CNKSR1: variants seen among roughly 807,000 people sequenced by gnomAD.
The protein encoded by CNKSR1 is CNK homolog protein 1.
A neutral mutation model predicts 95.6 loss-of-function variants in CNKSR1; 88 were observed. The ratio of observed to expected loss-of-function variants is 0.92; its 90% CI spans 0.78 to 1.10. CNKSR1 has a LOEUF of 1.10. Among genes scored for constraint, CNKSR1 ranks in the 50% least tolerant of loss-of-function variants. CNKSR1 has a pLI of 0.00. For synonymous variants in CNKSR1, 355 were observed against 369.7 expected, an observed-to-expected ratio of 0.96 and a Z score of 0.46; for missense variants, 836 against 912.0, an observed-to-expected ratio of 0.92 and a Z score of 1.07.
At chr1:26,181,133 T>G in intron 3 of CNKSR1, 3 of 474,710 alleles carry the variant, frequency 6.3e-6, no homozygotes, top group East Asian at 8.9e-5. Context: ...TATACAAAAT[T>G]AGCCAGGTGT....
chr1:26,189,197 G>T, intron 20 of CNKSR1, 82 bp from the exon 21 acceptor site: 1 of 1,550,858 alleles, frequency 6.4e-7, no homozygotes, highest in African/African-American at 1.4e-5. Flanking sequence ...CCAGGCACCG[G>T]ACCTCCGGAG....
At chr1:26,185,483 T>C (rs564333411) in intron 14 of CNKSR1, among the ~76,000 whole-genome samples, 87 of 151,190 alleles carry the variant, frequency 5.8e-4, no homozygotes, top group Non-Finnish European at 1.2e-3. Context: ...AGCTCTACCT[T>C]CCGGGTTCAC....
intron 2 of CNKSR1, 49 bp from the exon 3 acceptor site, chr1:26,180,666 G>T: frequency 1.2e-6 from 2 of 1,614,004 alleles, no homozygotes; most frequent in Non-Finnish European, 1.7e-6. Flanking sequence ...GGGGTGTGAT[G>T]GGGGGCTGGC....
rs751828242 is a variant in CNKSR1, at chr1:26,182,403, G to C, written c.519+1G>C. 1.9e-6 allele frequency: 3 copies of C among 1,613,922 alleles called. No individual in the cohort carries two copies. Among genetic ancestry groups the C allele is most frequent in the Non-Finnish European group, 2.5e-6 (3 of 1,179,974 alleles). ...GAAGGAGGGCACAGTCCTGAGGATC[G>C]TGAGTCTGTGGGGTGGGAAGAGAGT... On this transcript the variant is annotated splice_donor_variant, in intron 5 of 20. Transcript: ENST00000361530. LOFTEE classifies it high-confidence loss of function.
In CNKSR1 at chr1:26,177,602, G is replaced by A. The variant is rs751545608; in HGVS notation, c.52+3G>A. ...AAAGGTGGCAACTTGGCTGAGAGGT[G>A]GGTGGGGCTGGGGTAGAGTTGGGCT... On this transcript the variant is annotated splice_donor_region_variant and intron_variant, in intron 1 of 20. Transcript: ENST00000361530. 6.2e-7 allele frequency: 1 copy of A among 1,614,086 alleles called. No homozygotes were observed. Among genetic ancestry groups the A allele is most frequent in the Admixed American group, 1.7e-5 (1 of 60,026 alleles).
At chr1:26,178,167 C>T (rs1389414719) in intron 1 of CNKSR1, among the ~76,000 whole-genome samples, 3 of 152,120 alleles carry the variant, frequency 2.0e-5, no homozygotes, top group East Asian at 1.9e-4. Context: ...AATGGGGAGG[C>T]GGTGTCATGA....
At chr1:26,182,209 T>G (rs1569875862) in intron 4 of CNKSR1, 152 bp from the exon 5 acceptor site, 1 of 815,210 alleles carries the variant, frequency 1.2e-6, no homozygotes, top group Non-Finnish European at 2.0e-6. Context: ...AGCCCTCTGG[T>G]TAAAACGCTG....
In CNKSR1 at chr1:26,184,628, G is replaced by T; in HGVS notation, c.1135+16G>T. On this transcript the variant is annotated intron_variant, in intron 13 of 20. Transcript: ENST00000361530. ...AAATCAAAAGGTATGAGGTGCGCTG[G>T]ACTAGGTGGGGGTTCCCCTGTTTGA... 1 of 1,592,040 alleles carries T rather than the reference G, an allele frequency of 6.3e-7. No homozygotes were observed. Among genetic ancestry groups the T allele is most frequent in the South Asian group, 1.1e-5 (1 of 87,632 alleles).
chr1:26,184,465 AG>A lies in CNKSR1; in HGVS notation c.1069del (p.Val357Ter). On this transcript the variant is annotated frameshift_variant, in exon 12 of 21. Transcript: ENST00000361530. LOFTEE classifies it high-confidence loss of function. ...CGGAACCCCCAGCCATACTCCCAGCAGGGGTAGCAGGGACTCCAGGGCTCCC... is the reference window on the plus strand; with the variant it reads ...CGGAACCCCCAGCCATACTCCCAGCAGGGTAGCAGGGACTCCAGGGCTCCC... The part of the protein sequence containing the change: ...PPEPPAILPA[G>X]VAGTPGLPES... 6.2e-7 allele frequency: 1 copy of A among 1,613,222 alleles called. No homozygotes were observed. The highest frequency in any genetic ancestry group is 1.1e-5 in the South Asian group (1 of 90,874).
At chr1:26,183,125 G>T in intron 6 of CNKSR1, 72 bp from the exon 7 acceptor site, 1 of 1,444,168 alleles carries the variant, frequency 6.9e-7, no homozygotes, top group Non-Finnish European at 9.8e-7. Context: ...GAGTCCTGGT[G>T]TCTGGCGGGG....
Position 26,188,284 on chromosome 1 carries a change from G to C in CNKSR1, c.1505G>C (p.Arg502Pro), listed in dbSNP as rs764106428. The change falls in exon 17 of 21, where the codon CGG becomes CCG. Residue 502 changes from arginine (R) to proline (P), a missense_variant. By Grantham distance (103) the Arg-to-Pro change is moderately radical. Coordinates refer to ENST00000361530, the MANE Select transcript of CNKSR1 (RefSeq NM_006314.3). Reference sequence around the variant, plus strand: ...ATCTCCAAGTACCAGTCTCCAGGCCGGGCCCCCCCACCCCGAGAGGAAGGT... The same window carrying C: ...ATCTCCAAGTACCAGTCTCCAGGCCCGGCCCCCCCACCCCGAGAGGAAGGT... Reference protein sequence around the residue: ...TCISKYQSPGRAPPPREEDCY... With the variant: ...TCISKYQSPGPAPPPREEDCY... 3 of 1,614,108 alleles carry C rather than the reference G, an allele frequency of 1.9e-6. No homozygotes were observed. Among genetic ancestry groups the C allele is most frequent in the African/African-American group, 1.3e-5 (1 of 75,000 alleles).
intron 6 of CNKSR1, among the ~76,000 whole-genome samples, chr1:26,182,942 T>A (rs2088672285): frequency 6.6e-6 from 1 of 152,058 alleles, no homozygotes. Context: ...TGCTTGTCCC[T>A]TTAGGAATGT....
At chr1:26,183,445 G>A (rs2088681595) in intron 8 of CNKSR1, 31 bp downstream of exon 8, 1 of 1,611,196 alleles carries the variant, frequency 6.2e-7, no homozygotes, top group Non-Finnish European at 8.5e-7. Context: ...GGTAGGAGGT[G>A]AAGGGGTCAC....
At position 26,177,579 on chromosome 1, in the gene CNKSR1, A is replaced by T. The variant is rs201291243; in HGVS notation, c.32A>T (p.Lys11Met). 6 of 1,613,578 alleles carry T rather than the reference A, an allele frequency of 3.7e-6. No individual in the cohort carries two copies. Among genetic ancestry groups the T allele is most frequent in the Non-Finnish European group, 5.1e-6 (6 of 1,179,676 alleles). The change falls in exon 1 of 21, where the codon AAG (lysine) becomes ATG (methionine). Residue 11 changes from lysine (K) to methionine (M), a missense_variant. By Grantham distance (95) the Lys-to-Met change is moderately conservative. Transcript: ENST00000361530. MEPVETWTPG[K>M]VATWLRGLDD... ...CCGGTAGAGACCTGGACCCCCGGAA[A>T]GGTGGCAACTTGGCTGAGAGGTGGG... is the stretch of plus-strand genomic sequence containing the variant.
In CNKSR1 at chr1:26,189,460, C is replaced by T. The variant is rs2088826207; in HGVS notation, c.2054C>T (p.Ser685Phe). 5.6e-6 allele frequency: 9 copies of T among 1,613,862 alleles called. No individual in the cohort carries two copies. The highest frequency in any genetic ancestry group is 5.1e-6 in the Non-Finnish European group (6 of 1,179,912). ...TTGACCTCTGACTCCACAGAACAGT[C>T]CCCCCACTCCCTGCCCTCTGACCCT... ...HILTSDSTEQ[S>F]PHSLPSDPEE... The change falls in exon 21 of 21, where the codon TCC becomes TTC. Residue 685 changes from serine (S) to phenylalanine (F), a missense_variant. Ser to Phe is a radical substitution (Grantham distance 155). Coordinates refer to ENST00000361530, the MANE Select transcript of CNKSR1 (RefSeq NM_006314.3).
Position 26,187,236 on chromosome 1 carries a change from GA to G in CNKSR1, c.1380del (p.Lys460AsnfsTer21). 1 of 1,613,568 alleles carries G rather than the reference GA, an allele frequency of 6.2e-7. No homozygotes were observed. Among genetic ancestry groups the G allele is most frequent in the Non-Finnish European group, 8.5e-7 (1 of 1,179,468 alleles). On this transcript the variant is annotated frameshift_variant, in exon 15 of 21. Coordinates refer to ENST00000361530, the MANE Select transcript of CNKSR1 (RefSeq NM_006314.3). LOFTEE classifies it high-confidence loss of function. ...TGGAAAGTGGACATGATCAGAAGAA[GA>G]AATAGTTAAGTCTTGGGGTGTGATG... ...SLESGHDQKK[K>X]YVFQLTHDVY...
intron 14 of CNKSR1, among the ~76,000 whole-genome samples, chr1:26,185,469 T>G (rs567297065): frequency 1.3e-5 from 2 of 150,196 alleles, no homozygotes; most frequent in African/African-American, 2.5e-5. Flanking sequence ...CTCGGCTCAC[T>G]GCAAGCTCTA....
At chr1:26,182,139 G>T in intron 4 of CNKSR1, 198 bp downstream of exon 4, 1 of 717,114 alleles carries the variant, frequency 1.4e-6, no homozygotes, top group East Asian at 2.7e-5. Flanking sequence ...TGACACTCAG[G>T]ACAGGGAAGG....
chr1:26,184,358 C>G, intron 11 of CNKSR1, 43 bp from the exon 12 acceptor site: 3 of 1,603,738 alleles, frequency 1.9e-6, no homozygotes, highest in Non-Finnish European at 2.6e-6. Flanking sequence ...AAGCCTGGGA[C>G]TGGGCTCATA....
Sources: allele counts gnomAD v4.1 joint callset (sites outside exome capture counted in the v4.1 genomes callset), GRCh38; gene constraint gnomAD v4.1.1; transcripts MANE v1.5; gene names NCBI Gene and HGNC (gene_info 2026-07-23, HGNC 2026-07-21).